Variants in DACH1 observed in about 807,000 individuals in gnomAD.
DACH1 encodes the protein dachshund homolog 1.
In DACH1, 12 loss-of-function variants were observed where a neutral mutation model predicts 54.2. The observed-to-expected ratio is 0.22, with a 90% CI of 0.14 to 0.36. The LOEUF (loss-of-function observed/expected upper bound fraction) is 0.36, where lower values mean the gene tolerates loss of function less well. Ranked by LOEUF, DACH1 falls within the 10% of genes least tolerant of loss-of-function variation. The pLI, the probability that DACH1 is intolerant of heterozygous loss-of-function variation, is 1.00. For missense variants in DACH1, 805 were observed against 929.8 expected, an observed-to-expected ratio of 0.87 and a Z score of 1.75; for synonymous variants, 386 against 366.2, an observed-to-expected ratio of 1.05 and a Z score of -0.62.
intron 2 of DACH1, among the ~76,000 whole-genome samples, chr13:71,641,440 A>G (rs1337446797): frequency 3.9e-5 from 6 of 152,170 alleles, no homozygotes; most frequent in Non-Finnish European, 8.8e-5. Flanking sequence ...TCTAGCATTT[A>G]TAACAACATC....
Position 71,681,930 on chromosome 13 carries a change from A to C in DACH1, c.849-20T>G, listed in dbSNP as rs1880926561. ...CTAGAACTGAAACAAACAAACAAAA[A>C]ATTTTTACAATTAAGCTATTGTCTT... On this transcript the variant is annotated intron_variant, in intron 1 of 10. Coordinates refer to ENST00000613252, the MANE Select transcript of DACH1 (RefSeq NM_080759.6). 2.7e-6 allele frequency: 4 copies of C among 1,486,712 alleles called. No homozygotes were observed. The highest frequency in any genetic ancestry group is 1.9e-6 in the Non-Finnish European group (2 of 1,071,728). 92.1% of individuals were successfully genotyped at this position (1,486,712 alleles called of 1,614,324 possible). A position where few individuals can be genotyped will look rare whatever the true frequency, so the allele number is the denominator to read the frequency against.
At chr13:71,545,730 G>A (rs1490643444) in intron 6 of DACH1, among the ~76,000 whole-genome samples, 1 of 151,978 alleles carries the variant, frequency 6.6e-6, no homozygotes, top group Non-Finnish European at 1.5e-5. Context: ...TCTTTTAAAT[G>A]AAGAACCATA....
At chr13:71,617,221 T>A (rs1031419496) in intron 3 of DACH1, among the ~76,000 whole-genome samples, 1 of 152,204 alleles carries the variant, frequency 6.6e-6, no homozygotes, top group Middle Eastern at 3.2e-3. Context: ...GACATTTGCA[T>A]GCAGACCTAT....
chr13:71,855,872 C>G (rs1194622517), intron 1 of DACH1, among the ~76,000 whole-genome samples: 1 of 151,164 alleles, frequency 6.6e-6, no homozygotes, highest in Non-Finnish European at 1.5e-5. Flanking sequence ...TGGACTGACT[C>G]ATTAGTAAAG....
In DACH1 at chr13:71,640,415, A is replaced by T. The variant is rs150399269; in HGVS notation, c.965-9698T>A. ...TTAACCTATACTGTATTGGTGAAAT[A>T]CAATATAATTTGTGCCTGAATCCTA... On this transcript the variant is annotated intron_variant, in intron 2 of 10. Coordinates refer to ENST00000613252, the MANE Select transcript of DACH1 (RefSeq NM_080759.6). 4.5e-4 allele frequency among the ~76,000 whole-genome samples: 68 copies of T among 152,202 alleles called. 1 individual carries two copies. The highest frequency in any genetic ancestry group is 1.6e-3 in the African/African-American group (66 of 41,576).
At chr13:71,606,194 C>A (rs1026416556) in intron 3 of DACH1, among the ~76,000 whole-genome samples, 2 of 151,980 alleles carry the variant, frequency 1.3e-5, no homozygotes, top group Non-Finnish European at 1.5e-5. Flanking sequence ...ACATCTACAT[C>A]TATTTACAAA....
At chr13:71,723,969 G>A (rs1041526719) in intron 1 of DACH1, among the ~76,000 whole-genome samples, 33 of 152,094 alleles carry the variant, frequency 2.2e-4, no homozygotes, top group African/African-American at 7.7e-4. Context: ...GGGCTTACAG[G>A]CCTGAACCAC....
rs73525478 is a variant in DACH1 at position 71,788,193 on chromosome 13, C to T, written c.848+77729G>A. 6.6e-3 allele frequency among the ~76,000 whole-genome samples: 999 copies of T among 152,174 alleles called. 3 individuals carry two copies. Among genetic ancestry groups the T allele is most frequent in the African/African-American group, 0.023 (948 of 41,526 alleles). On this transcript the variant is annotated intron_variant, in intron 1 of 10. Transcript: ENST00000613252. ...TCAAATAGGCAATGTGGAAGACAGA[C>T]GTCAGGTCTTAGAATCCCTAGATGT...
At chr13:71,741,780 G>T (rs1884398682) in intron 1 of DACH1, among the ~76,000 whole-genome samples, 1 of 151,342 alleles carries the variant, frequency 6.6e-6, no homozygotes, top group Non-Finnish European at 1.5e-5. Flanking sequence ...CATTTTTTAG[G>T]CTATTCTGGC....
intron 6 of DACH1, among the ~76,000 whole-genome samples, chr13:71,526,950 G>GTATAT (rs1218401445): frequency 6.6e-6 from 1 of 151,370 alleles, no homozygotes; most frequent in Non-Finnish European, 1.5e-5. Context: ...CTTAAACTTT[G>GTATAT]TATATTATAT....
chr13:71,669,287 C>T (rs1880069627), intron 2 of DACH1, among the ~76,000 whole-genome samples: 1 of 152,040 alleles, frequency 6.6e-6, no homozygotes, highest in African/African-American at 2.4e-5. Context: ...GAAGCCACTC[C>T]CCATTGTTTG....
chr13:71,713,663 A>T (rs1336830860), intron 1 of DACH1, among the ~76,000 whole-genome samples: 1 of 152,194 alleles, frequency 6.6e-6, no homozygotes, highest in African/African-American at 2.4e-5. Context: ...TTGATTAAAG[A>T]TACAAATTAA....
At chr13:71,487,786 GA>G (rs1023490789) in intron 7 of DACH1, among the ~76,000 whole-genome samples, 4 of 152,066 alleles carry the variant, frequency 2.6e-5, no homozygotes, top group Non-Finnish European at 5.9e-5. Context: ...CATAAATTCA[GA>G]AATGTTAAGG....
At chr13:71,454,696 C>A (rs540273572) in intron 10 of DACH1, among the ~76,000 whole-genome samples, 1 of 152,292 alleles carries the variant, frequency 6.6e-6, no homozygotes, top group East Asian at 1.9e-4. Flanking sequence ...GGCATGGCAA[C>A]AGCCACATTA....
intron 6 of DACH1, among the ~76,000 whole-genome samples, chr13:71,521,551 G>C (rs1881598466): frequency 6.6e-6 from 1 of 151,964 alleles, no homozygotes; most frequent in African/African-American, 2.4e-5. Flanking sequence ...TGATTCTTCA[G>C]TCTTTCAAAG....
chr13:71,589,754 C>T (rs529892876), intron 3 of DACH1, among the ~76,000 whole-genome samples: 1 of 152,098 alleles, frequency 6.6e-6, no homozygotes, highest in Admixed American at 6.5e-5. Flanking sequence ...CCCCTTGCCT[C>T]ATTAAGCATA....
chr13:71,633,365 A>G (rs966718656), intron 2 of DACH1, among the ~76,000 whole-genome samples: 2 of 152,212 alleles, frequency 1.3e-5, no homozygotes, highest in Non-Finnish European at 2.9e-5. Flanking sequence ...TTTGTTAAAA[A>G]GAAAGGCTTG....
At chr13:71,545,683 A>T (rs1366287827) in intron 6 of DACH1, among the ~76,000 whole-genome samples, 2 of 152,080 alleles carry the variant, frequency 1.3e-5, no homozygotes, top group East Asian at 3.9e-4. Flanking sequence ...AAAAATTTTT[A>T]ACAAAATATA....
At chr13:71,559,525 T>C (rs1000671749) in intron 5 of DACH1, among the ~76,000 whole-genome samples, 1 of 152,186 alleles carries the variant, frequency 6.6e-6, no homozygotes, top group Non-Finnish European at 1.5e-5. Flanking sequence ...ATTTGAGAAT[T>C]GGCTGTGTTT....
Sources: gnomAD v4.1 joint callset for allele counts (sites outside exome capture counted in the v4.1 genomes callset) on GRCh38, gnomAD v4.1.1 for gene constraint, MANE v1.5 for transcripts, NCBI Gene and HGNC (gene_info 2026-07-23, HGNC 2026-07-21) for gene names.